The following ZNF37A variants were observed in gnomAD, a reference collection of about 807,000 sequenced individuals.
ZNF37A encodes the protein zinc finger protein 37A.
Under a neutral mutation model 12.3 loss-of-function variants are expected in ZNF37A, and 10 were observed. The ratio of observed to expected loss-of-function variants is 0.82; its 90% CI spans 0.50 to 1.38. ZNF37A has a LOEUF of 1.38. ZNF37A is among the 40% of genes most tolerant of loss of function. The pLI is 0.00. For synonymous variants in ZNF37A, 207 were observed against 223.0 expected (o/e 0.93, Z 0.64); for missense variants, 580 against 651.2 (o/e 0.89, Z 1.19).
downstream of ZNF37A, among the ~76,000 whole-genome samples, chr10:38,128,008 G>A (rs1336943757): frequency 1.3e-5 from 2 of 152,016 alleles, no homozygotes; most frequent in Non-Finnish European, 2.9e-5. Flanking sequence ...GTTATCTAAT[G>A]TAATAGTTAG....
intron 7 of ZNF37A, 181 bp from the exon 8 acceptor site, chr10:38,117,208 AT>A: frequency 3.0e-6 from 3 of 985,170 alleles, no homozygotes; most frequent in Non-Finnish European, 3.6e-6. Context: ...ACTTTTAGAA[AT>A]TTAATTTGTT....
downstream of ZNF37A, among the ~76,000 whole-genome samples, chr10:38,129,319 A>AAAAAAAAAAAAAAAAAT: frequency 8.6e-6 from 1 of 116,228 alleles, no homozygotes; most frequent in African/African-American, 3.6e-5. Context: ...AAAAAAAAAA[A>AAAAAAAAAAAAAAAAAT]AAACTATTAT....
In ZNF37A at chr10:38,115,241, C is replaced by T. The variant is rs376053637; in HGVS notation, c.189C>T (p.Gly63=). 159 of 1,613,512 alleles carry T rather than the reference C, an allele frequency of 9.9e-5. No homozygotes were observed. The highest frequency in any genetic ancestry group is 1.5e-4 in the South Asian group (14 of 91,054). ...KPEVILKLEK[G]EEPWILEEKF... ...AAGTGATTCTCAAGTTGGAGAAAGG[C>T]GAGGAGCCATGGATATTAGAGGAAA... Residue 63 remains glycine (G), a synonymous_variant, in exon 7 of 8, where the codon GGC becomes GGT. Transcript: ENST00000685332.
At chr10:38,149,202 C>A (rs1191864794) in exon 8 of ZNF37A, 1 of 152,170 alleles carries the variant, frequency 6.6e-6, no homozygotes, top group Non-Finnish European at 1.5e-5. Context: ...TCCCACTTCT[C>A]AATAGGATGC....
chr10:38,118,084 TTCAGACC>T lies in ZNF37A; in HGVS notation c.937_943del (p.Asp313LeufsTer116). On this transcript the variant is annotated frameshift_variant, in exon 8 of 8. Transcript: ENST00000685332. LOFTEE classifies it low-confidence loss of function (END_TRUNC). ...AATGTGGGAAGACCTTCTATAAGAA[TTCAGACC>T]TCATTAAACATCAAAGAATTCATAC... 6.2e-7 allele frequency: 1 copy of T among 1,612,728 alleles called. No homozygotes were observed. The highest frequency in any genetic ancestry group is 8.5e-7 in the Non-Finnish European group (1 of 1,179,554).
intron 7 of ZNF37A, chr10:38,117,041 G>A (rs1165686798): frequency 4.6e-5 from 15 of 329,496 alleles, no homozygotes; most frequent in Middle Eastern, 1.5e-3. Context: ...CCCAGGAAGC[G>A]GAGATTGCAG....
chr10:38,125,159 T>C (rs1182693093), downstream of ZNF37A: 2 of 152,202 alleles, frequency 1.3e-5, no homozygotes, highest in Non-Finnish European at 2.9e-5. Flanking sequence ...ATAAATTTAA[T>C]GCACTTAATT....
rs565779411 is a variant in ZNF37A at position 38,122,342 on chromosome 10, TA to T, written c.*3509del. ...TTCAAAGAAATAGAAAACACAATCC[TA>T]AAATTTATATGGGAACCACAAAAGA... On this transcript the variant is annotated 3_prime_UTR_variant, in exon 8 of 8. Transcript: ENST00000685332. 2 of 152,150 alleles carry T rather than the reference TA, an allele frequency of 1.3e-5. No individual in the cohort carries two copies. The highest frequency in any genetic ancestry group is 2.9e-5 in the Non-Finnish European group (2 of 68,008). 9.4% of individuals were successfully genotyped at this position (152,150 alleles called of 1,614,324 possible).
chr10:38,110,336 C>A (rs1263048658), intron 5 of ZNF37A, among the ~76,000 whole-genome samples: 1 of 152,108 alleles, frequency 6.6e-6, no homozygotes, highest in Non-Finnish European at 1.5e-5. Flanking sequence ...AAAATTAGCT[C>A]AAGATGGATT....
intron 7 of ZNF37A, among the ~76,000 whole-genome samples, chr10:38,132,727 C>G (rs1244782035): frequency 1.3e-5 from 2 of 151,902 alleles, no homozygotes; most frequent in African/African-American, 2.4e-5. Context: ...TCATTTTCAA[C>G]TTGTATTTTC....
At chr10:38,101,823 CTTTTTTTTTT>C (rs3041908) in intron 5 of ZNF37A, among the ~76,000 whole-genome samples, 4 of 133,166 alleles carry the variant, frequency 3.0e-5, no homozygotes, top group Non-Finnish European at 6.4e-5. Flanking sequence ...TTTTATTTTT[CTTTTTTTTTT>C]TTTTTTTGAG....
chr10:38,094,625 C>T (rs995852815), intron 1 of ZNF37A, 135 bp downstream of exon 1: 1 of 152,398 alleles, frequency 6.6e-6, no homozygotes, highest in Admixed American at 6.5e-5. Flanking sequence ...AGGGAATGCG[C>T]AAGTCCCGCG....
In ZNF37A at chr10:38,118,737, G is replaced by A; in HGVS notation, c.1586G>A (p.Gly529Glu). 6.2e-7 allele frequency: 1 copy of A among 1,613,836 alleles called. No individual in the cohort carries two copies. The highest frequency in any genetic ancestry group is 8.5e-7 in the Non-Finnish European group (1 of 1,179,924). Residue 529 changes from glycine (G) to glutamate (E), a missense_variant, in exon 8 of 8, where the codon GGA becomes GAA. By Grantham distance (98) the Gly-to-Glu change is moderately conservative. Transcript: ENST00000685332. The part of the protein sequence containing the change: ...GEKPYECNVC[G>E]KSFYVKSKLT... ...AAACCCTATGAATGTAATGTTTGTG[G>A]AAAATCATTCTATGTTAAGTCAAAA...
Position 38,122,643 on chromosome 10 carries a change from C to G in ZNF37A, c.*3806C>G, listed in dbSNP as rs1003839417. Reference sequence around the variant, plus strand: ...GATATCCATATGCAGAAGAATGAAACTAGACCCCCATCTCTTAGCATATAC... The same window carrying G: ...GATATCCATATGCAGAAGAATGAAAGTAGACCCCCATCTCTTAGCATATAC... On this transcript the variant is annotated 3_prime_UTR_variant, in exon 8 of 8. Transcript: ENST00000685332. 55 of 152,162 alleles carry G rather than the reference C, an allele frequency of 3.6e-4. No individual in the cohort carries two copies. The highest frequency in any genetic ancestry group is 1.3e-3 in the African/African-American group (54 of 41,436). 9.4% of individuals were successfully genotyped at this position (152,162 alleles called of 1,614,324 possible).
At chr10:38,110,318 C>A (rs1006160338) in intron 5 of ZNF37A, among the ~76,000 whole-genome samples, 5 of 152,110 alleles carry the variant, frequency 3.3e-5, no homozygotes, top group Non-Finnish European at 5.9e-5. Flanking sequence ...TTCCTTACAC[C>A]TTATACAAAA....
At chr10:38,128,723 G>T (rs71491240), downstream of ZNF37A, among the ~76,000 whole-genome samples, 1 of 152,056 alleles carries the variant, frequency 6.6e-6, no homozygotes, top group African/African-American at 2.4e-5. Context: ...CTGAGTTCAC[G>T]TCCAGTGGGC....
At chr10:38,108,710 A>G (rs2068360154) in intron 5 of ZNF37A, among the ~76,000 whole-genome samples, 2 of 152,234 alleles carry the variant, frequency 1.3e-5, no homozygotes, top group Admixed American at 6.5e-5. Flanking sequence ...AAACACCTCT[A>G]TGCAAATAAT....
At chr10:38,114,696 CTT>C (rs1439928303) in intron 5 of ZNF37A, 57 bp from the exon 6 acceptor site, 2 of 1,611,652 alleles carry the variant, frequency 1.2e-6, no homozygotes, top group Non-Finnish European at 1.7e-6. Flanking sequence ...CCCTAAACAT[CTT>C]TTTTCACGTC....
chr10:38,104,558 T>G (rs2067882798), intron 5 of ZNF37A, among the ~76,000 whole-genome samples: 1 of 151,842 alleles, frequency 6.6e-6, no homozygotes, highest in Admixed American at 6.6e-5. Flanking sequence ...CCCACATCAG[T>G]TTTTGAGTAA....
Sources: gnomAD v4.1 joint callset for allele counts (sites outside exome capture counted in the v4.1 genomes callset) on GRCh38, gnomAD v4.1.1 for gene constraint, MANE v1.5 for transcripts, NCBI Gene and HGNC (gene_info 2026-07-23, HGNC 2026-07-21) for gene names.